Variants in MECOM observed in about 807,000 individuals in gnomAD.
MECOM encodes MDS1 and EVI1 complex locus.
MECOM carries 13 observed loss-of-function variants against 116.3 expected under a neutral mutation model. The ratio of observed to expected loss-of-function variants is 0.11; its 90% CI spans 0.07 to 0.18. The LOEUF is 0.18. MECOM is among the 10% of genes least tolerant of loss of function. MECOM has a pLI of 1.00. For synonymous variants in MECOM, 528 were observed against 535.2 expected, an observed-to-expected ratio of 0.99 and a Z score of 0.19; for missense variants, 1,299 against 1,509.0, an observed-to-expected ratio of 0.86 and a Z score of 2.31.
chr3:169,212,842 C>T (rs80341137), intron 2 of MECOM, among the ~76,000 whole-genome samples: 10,922 of 151,020 alleles, frequency 0.072, 627 homozygotes, highest in East Asian at 0.29. Flanking sequence ...GGTCTTCACA[C>T]CTGCTGTGGC....
At chr3:169,641,061 C>T (rs961987707) in intron 1 of MECOM, among the ~76,000 whole-genome samples, 2 of 152,184 alleles carry the variant, frequency 1.3e-5, no homozygotes, top group African/African-American at 4.8e-5. Flanking sequence ...GAAGTCTTTT[C>T]ACATTGCCAC....
At chr3:169,502,029 T>C (rs1046306147) in intron 1 of MECOM, among the ~76,000 whole-genome samples, 13 of 152,112 alleles carry the variant, frequency 8.5e-5, no homozygotes, top group African/African-American at 3.1e-4. Flanking sequence ...ATATGTCACA[T>C]AATGTAATAT....
chr3:169,621,797 GT>G (rs1770767284), intron 1 of MECOM, among the ~76,000 whole-genome samples: 1 of 152,132 alleles, frequency 6.6e-6, no homozygotes, highest in Admixed American at 6.5e-5. Context: ...TAAGGTAGGA[GT>G]TGTTTTTGTA....
chr3:169,250,165 G>A (rs1227870417), intron 2 of MECOM, among the ~76,000 whole-genome samples: 3 of 152,150 alleles, frequency 2.0e-5, no homozygotes, highest in Non-Finnish European at 1.5e-5. Flanking sequence ...ACAATTTTCA[G>A]CATCAGTGGT....
intron 2 of MECOM, among the ~76,000 whole-genome samples, chr3:169,326,192 G>T (rs889452803): frequency 2.0e-5 from 3 of 152,034 alleles, no homozygotes; most frequent in Non-Finnish European, 4.4e-5. Context: ...AAGGATCCAG[G>T]GGACAGAGAG....
chr3:169,287,995 A>G (rs1259285186), intron 2 of MECOM, among the ~76,000 whole-genome samples: 1 of 152,236 alleles, frequency 6.6e-6, no homozygotes, highest in Non-Finnish European at 1.5e-5. Flanking sequence ...ACATCTGCTC[A>G]TTATTCAACA....
At chr3:169,386,994 T>C (rs1259779648) in intron 1 of MECOM, among the ~76,000 whole-genome samples, 2 of 152,238 alleles carry the variant, frequency 1.3e-5, no homozygotes, top group Non-Finnish European at 2.9e-5. Flanking sequence ...TAGGCTTTCA[T>C]GTCTGTCTTA....
chr3:169,520,697 T>A (rs1327853950), intron 1 of MECOM, among the ~76,000 whole-genome samples: 1 of 152,222 alleles, frequency 6.6e-6, no homozygotes, highest in Admixed American at 6.5e-5. Flanking sequence ...TGTTATTAAA[T>A]ACAAACACAG....
At chr3:169,458,376 AC>A (rs1746860579) in intron 1 of MECOM, among the ~76,000 whole-genome samples, 1 of 152,110 alleles carries the variant, frequency 6.6e-6, no homozygotes, top group African/African-American at 2.4e-5. Context: ...ATTTTTTAAA[AC>A]CAACTTTATT....
chr3:169,102,026 C>G (rs1422843778), intron 11 of MECOM, 34 bp downstream of exon 11: 1 of 1,568,884 alleles, frequency 6.4e-7, no homozygotes, highest in Admixed American at 1.8e-5. Flanking sequence ...GGGGAGATTT[C>G]TGGAAAGTCA....
At chr3:169,461,581 C>G (rs1337270066) in intron 1 of MECOM, among the ~76,000 whole-genome samples, 1 of 152,096 alleles carries the variant, frequency 6.6e-6, no homozygotes, top group Non-Finnish European at 1.5e-5. Flanking sequence ...CACTGTACCA[C>G]ATTTCCAGCA....
At chr3:169,248,319 A>ACTTCCT (rs1755840199) in intron 2 of MECOM, among the ~76,000 whole-genome samples, 1 of 152,210 alleles carries the variant, frequency 6.6e-6, no homozygotes, top group African/African-American at 2.4e-5. Flanking sequence ...TGTTTTCGCT[A>ACTTCCT]CTTCCTTGTG....
intron 1 of MECOM, among the ~76,000 whole-genome samples, chr3:169,471,152 C>T (rs1749163813): frequency 6.6e-6 from 1 of 151,954 alleles, no homozygotes; most frequent in Non-Finnish European, 1.5e-5. Context: ...CCAGCATGCC[C>T]GTCTGATTTT....
At chr3:169,149,969 GTGTGTGTGTCTGTCTGTC>G (rs1199900458) in intron 2 of MECOM, among the ~76,000 whole-genome samples, 9 of 146,724 alleles carry the variant, frequency 6.1e-5, no homozygotes, top group African/African-American at 2.3e-4. Context: ...GTGTGTGTGT[GTGTGTGTGTCTGTCTGTC>G]TGTCTGTCTG....
At chr3:169,401,788 T>C (rs903901326) in intron 1 of MECOM, among the ~76,000 whole-genome samples, 1 of 152,218 alleles carries the variant, frequency 6.6e-6, no homozygotes, top group Non-Finnish European at 1.5e-5. Context: ...AGCATGTGCA[T>C]GAGACTAAGC....
intron 1 of MECOM, among the ~76,000 whole-genome samples, chr3:169,503,611 A>C (rs1292070218): frequency 6.6e-6 from 1 of 152,210 alleles, no homozygotes; most frequent in Non-Finnish European, 1.5e-5. Flanking sequence ...ACTTCAAGAA[A>C]TTTAACTTAT....
intron 1 of MECOM, among the ~76,000 whole-genome samples, chr3:169,452,707 C>G (rs1745811044): frequency 6.6e-6 from 1 of 152,166 alleles, no homozygotes; most frequent in African/African-American, 2.4e-5. Flanking sequence ...AATAGCTGAG[C>G]ACACATACTT....
intron 2 of MECOM, among the ~76,000 whole-genome samples, chr3:169,294,112 C>A (rs1054719070): frequency 6.6e-6 from 1 of 152,126 alleles, no homozygotes; most frequent in Non-Finnish European, 1.5e-5. Flanking sequence ...ATTGGTTTAT[C>A]ATTAACTATT....
intron 2 of MECOM, among the ~76,000 whole-genome samples, chr3:169,196,229 A>G (rs1748392650): frequency 6.6e-6 from 1 of 152,002 alleles, no homozygotes; most frequent in African/African-American, 2.4e-5. Flanking sequence ...TTATATCTAT[A>G]TCTCACTTGA....
Sources: gnomAD v4.1 joint callset for allele counts (sites outside exome capture counted in the v4.1 genomes callset) on GRCh38, gnomAD v4.1.1 for gene constraint, MANE v1.5 for transcripts, NCBI Gene and HGNC (gene_info 2026-07-23, HGNC 2026-07-21) for gene names.